Variants in MALRD1 observed in about 807,000 individuals in gnomAD.
MALRD1 encodes the protein MAM and LDL-receptor class A domain-containing protein 1.
Under a neutral mutation model 242.1 loss-of-function variants are expected in MALRD1, and 247 were observed. The observed-to-expected ratio is 1.02, with a 90% CI of 0.92 to 1.13. The LOEUF (loss-of-function observed/expected upper bound fraction) is 1.13. Among genes scored for constraint, MALRD1 ranks in the 50% most tolerant of loss-of-function variants. The pLI, the probability that MALRD1 is intolerant of heterozygous loss-of-function variation, is 0.00. For missense variants in MALRD1, 2,989 were observed against 2,533.1 expected, an observed-to-expected ratio of 1.18 and a Z score of -3.86; for synonymous variants, 995 against 866.6, an observed-to-expected ratio of 1.15 and a Z score of -2.60.
At chr10:19,254,651 A>G (rs72796419) in intron 18 of MALRD1, among the ~76,000 whole-genome samples, 13,295 of 152,020 alleles carry the variant, frequency 0.087, 654 homozygotes, top group Middle Eastern at 0.12. Flanking sequence ...TCTGCCTCAG[A>G]TATAATGTAT....
chr10:19,152,711 A>G lies in MALRD1; in HGVS notation c.1559-2364A>G, dbSNP rs186604087. 6.9e-4 allele frequency among the ~76,000 whole-genome samples: 105 copies of G among 152,220 alleles called. 1 individual carries two copies. Among genetic ancestry groups the G allele is most frequent in the Admixed American group, 5.8e-3 (88 of 15,286 alleles). ...ACCAAATTTTCTAAATGATACTATA[A>G]TTATAAAAAATGGAATACTTTGGCT... On this transcript the variant is annotated intron_variant, in intron 11 of 39. Coordinates refer to ENST00000454679, the MANE Select transcript of MALRD1 (RefSeq NM_001142308.3).
intron 23 of MALRD1, among the ~76,000 whole-genome samples, chr10:19,328,350 T>A (rs1313141223): frequency 4.6e-5 from 7 of 152,132 alleles, no homozygotes; most frequent in Admixed American, 1.3e-4. Flanking sequence ...GAGGCTTAGC[T>A]CTGAAGATTT....
chr10:19,536,123 A>C (rs11010275), intron 32 of MALRD1, among the ~76,000 whole-genome samples: 107,275 of 152,008 alleles, frequency 0.71, 41,134 homozygotes, highest in Non-Finnish European at 0.84. Flanking sequence ...AGAGAACTAC[A>C]CTTCCCTAGC....
intron 33 of MALRD1, among the ~76,000 whole-genome samples, chr10:19,580,341 C>T (rs749629137): frequency 6.6e-6 from 1 of 152,092 alleles, no homozygotes; most frequent in Non-Finnish European, 1.5e-5. Context: ...TTTGGGGCCT[C>T]TTAAGACGTT....
chr10:19,162,111 TTTAA>T (rs1349181245), intron 12 of MALRD1, among the ~76,000 whole-genome samples: 1 of 152,184 alleles, frequency 6.6e-6, no homozygotes, highest in Non-Finnish European at 1.5e-5. Context: ...TTTGTTTAAT[TTTAA>T]TTAATTTAAA....
At chr10:19,700,021 G>GAC (rs58040272) in intron 38 of MALRD1, among the ~76,000 whole-genome samples, 15,752 of 141,098 alleles carry the variant, frequency 0.11, 960 homozygotes, top group East Asian at 0.34. Context: ...AATTGATTTA[G>GAC]ACACACACAC....
chr10:19,207,168 A>T (rs2131623113), intron 17 of MALRD1, among the ~76,000 whole-genome samples: 1 of 152,316 alleles, frequency 6.6e-6, no homozygotes, highest in South Asian at 2.1e-4. Flanking sequence ...TGAATAAAGG[A>T]CAGTTGACAT....
At chr10:19,307,696 T>C (rs1169894177) in intron 21 of MALRD1, among the ~76,000 whole-genome samples, 1 of 151,402 alleles carries the variant, frequency 6.6e-6, no homozygotes, top group Non-Finnish European at 1.5e-5. Flanking sequence ...AGTTTTATAG[T>C]GGGGAGGAAA....
intron 28 of MALRD1, among the ~76,000 whole-genome samples, chr10:19,406,715 A>G (rs1409382624): frequency 2.0e-5 from 3 of 152,138 alleles, no homozygotes; most frequent in African/African-American, 7.2e-5. Flanking sequence ...AAAAATAAAT[A>G]AATAAATAAA....
In MALRD1 at chr10:19,335,735, T is replaced by C. The variant is rs555603824; in HGVS notation, c.3901+4153T>C. On this transcript the variant is annotated intron_variant, in intron 24 of 39. Coordinates refer to ENST00000454679, the MANE Select transcript of MALRD1 (RefSeq NM_001142308.3). ...AATGTGATTAGGTAGAAATATACCA[T>C]CTAGGAATAGCAGAAAGAATGAAAG... is the stretch of plus-strand genomic sequence containing the variant. Among the ~76,000 whole-genome samples the C allele has an allele frequency of 5.3e-5, 8 of 152,260 alleles. No homozygotes were observed. The South Asian group carries it at 1.7e-3, about 32-fold the overall frequency.
intron 39 of MALRD1, 62 bp downstream of exon 39, chr10:19,730,843 C>A (rs1373085063): frequency 8.7e-6 from 12 of 1,374,574 alleles, no homozygotes; most frequent in Non-Finnish European, 1.2e-5. Context: ...AACACACACA[C>A]ACACACAGGC....
At chr10:19,194,333 A>G (rs1157657885) in intron 14 of MALRD1, among the ~76,000 whole-genome samples, 1 of 152,214 alleles carries the variant, frequency 6.6e-6, no homozygotes, top group Non-Finnish European at 1.5e-5. Context: ...AATATTTTTC[A>G]TAGCCTATTG....
chr10:19,558,975 G>T (rs1835844291), intron 32 of MALRD1, among the ~76,000 whole-genome samples: 1 of 151,928 alleles, frequency 6.6e-6, no homozygotes, highest in Non-Finnish European at 1.5e-5. Flanking sequence ...CTTGAGGTTA[G>T]GGATTCGAGA....
At chr10:19,161,211 G>T (rs1834383594) in intron 12 of MALRD1, among the ~76,000 whole-genome samples, 1 of 134,496 alleles carries the variant, frequency 7.4e-6, no homozygotes, top group Non-Finnish European at 1.6e-5. Flanking sequence ...TAGGGACATG[G>T]ATGAAATTGG....
At chr10:19,280,274 C>A (rs1318824404) in intron 20 of MALRD1, 51 bp downstream of exon 20, 6 of 1,347,094 alleles carry the variant, frequency 4.5e-6, no homozygotes, top group Non-Finnish European at 4.9e-6. Flanking sequence ...ATAGAAAATG[C>A]AAGTGTAATC....
intron 28 of MALRD1, among the ~76,000 whole-genome samples, chr10:19,396,986 C>T (rs1173071754): frequency 1.3e-5 from 2 of 152,038 alleles, no homozygotes; most frequent in Non-Finnish European, 2.9e-5. Flanking sequence ...CATAATAATT[C>T]CACATATTTG....
At chr10:19,224,313 G>A (rs1358592649) in intron 18 of MALRD1, among the ~76,000 whole-genome samples, 2 of 139,802 alleles carry the variant, frequency 1.4e-5, no homozygotes, top group East Asian at 4.2e-4. Context: ...CTTCGAGACA[G>A]CCTCACTCTG....
chr10:19,259,148 T>A (rs1459838181), intron 19 of MALRD1, among the ~76,000 whole-genome samples: 1 of 152,202 alleles, frequency 6.6e-6, no homozygotes, highest in Non-Finnish European at 1.5e-5. Flanking sequence ...ATTGTCAGAA[T>A]CTTCCTATGA....
intron 31 of MALRD1, among the ~76,000 whole-genome samples, chr10:19,521,237 C>G (rs1387738920): frequency 6.6e-6 from 1 of 152,036 alleles, no homozygotes; most frequent in Non-Finnish European, 1.5e-5. Flanking sequence ...TTTACAGACT[C>G]TATTTCCTGG....
Sources: gnomAD v4.1 joint callset for allele counts (sites outside exome capture counted in the v4.1 genomes callset) on GRCh38, gnomAD v4.1.1 for gene constraint, MANE v1.5 for transcripts, NCBI Gene and HGNC (gene_info 2026-07-23, HGNC 2026-07-21) for gene names.